EPS8L3: variants seen among roughly 807,000 people sequenced by gnomAD.
EPS8L3 encodes EPS8 signaling adaptor L3.
Under a neutral mutation model 88.5 loss-of-function variants are expected in EPS8L3, and 80 were observed. The observed-to-expected ratio is 0.90, with a 90% confidence interval of 0.75 to 1.09. The LOEUF is 1.09. Among genes scored for constraint, EPS8L3 ranks in the 50% least tolerant of loss-of-function variants. The pLI is 0.00. For synonymous variants in EPS8L3, 286 were observed against 291.0 expected, an observed-to-expected ratio of 0.98 and a Z score of 0.18; for missense variants, 721 against 735.2, an observed-to-expected ratio of 0.98 and a Z score of 0.22.
In EPS8L3 at chr1:109,758,337, G is replaced by T. The variant is rs775227313; in HGVS notation, c.696C>A (p.Pro232=). ...TTACCTCGTCCCTCTCTGGGTCCTC[G>T]GGGGAAGAGGACCGCCTTGGAGGAG... ...TLPPPRRSSS[P]EDPERDEEVL... The change falls in exon 8 of 19, where the codon CCC becomes CCA. Residue 232 remains proline, a synonymous_variant. Transcript: ENST00000361965. The T allele has an allele frequency of 6.2e-7, 1 of 1,613,334 alleles. No individual in the cohort carries two copies. The highest frequency in any genetic ancestry group is 1.3e-5 in the African/African-American group (1 of 74,874).
chr1:109,757,335 C>T, intron 11 of EPS8L3, 146 bp downstream of exon 11: 1 of 1,114,402 alleles, frequency 9.0e-7, no homozygotes. Context: ...CCCTTAGAGC[C>T]TTGGCGTCCT....
Position 109,751,662 on chromosome 1 carries a change from G to A in EPS8L3, c.1555C>T (p.Pro519Ser). 1 of 1,614,064 alleles carries A rather than the reference G, an allele frequency of 6.2e-7. No individual in the cohort carries two copies. The highest frequency in any genetic ancestry group is 1.1e-5 in the South Asian group (1 of 91,076). The change falls in exon 16 of 19, where the codon CCC (proline) becomes TCC (serine). Residue 519 changes from proline (P) to serine (S), a missense_variant. By Grantham distance (74) the Pro-to-Ser change is moderately conservative (BLOSUM62 -1). Coordinates refer to ENST00000361965, the MANE Select transcript of EPS8L3 (RefSeq NM_133181.4). Reference sequence around the variant, plus strand: ...TCCAGGCTGGGTAGTACCCGAGAGGGTGACTGGCCCTGGGTCCCAGGGGTC... The same window carrying A: ...TCCAGGCTGGGTAGTACCCGAGAGGATGACTGGCCCTGGGTCCCAGGGGTC... Reference protein sequence around the residue: ...PGTPGTQGQSPSRVPMLRLSS... With the variant: ...PGTPGTQGQSSSRVPMLRLSS...
At chr1:109,761,439 A>G in intron 3 of EPS8L3, 56 bp downstream of exon 3, 1 of 1,493,330 alleles carries the variant, frequency 6.7e-7, no homozygotes, top group Non-Finnish European at 9.2e-7. Flanking sequence ...GGCGGTGGGC[A>G]CATGGGAACA....
Position 109,757,977 on chromosome 1 carries a change from T to G in EPS8L3, c.799A>C (p.Lys267Gln). The change falls in exon 9 of 19, where the codon AAG becomes CAG. Residue 267 changes from lysine to glutamine, a missense_variant. Transcript: ENST00000361965. The part of the protein sequence containing the change: ...EKAQAKTSRK[K>Q]KFGKKNKDQG... Reference sequence around the variant, plus strand: ...TCCTTGTTTTTTTTCCCAAATTTCTTCTTCCTGCTGGTCTTTGCCTGGGCC... The same window carrying G: ...TCCTTGTTTTTTTTCCCAAATTTCTGCTTCCTGCTGGTCTTTGCCTGGGCC... 6.2e-7 allele frequency: 1 copy of G among 1,614,204 alleles called. No individual in the cohort carries two copies. The highest frequency in any genetic ancestry group is 1.3e-5 in the African/African-American group (1 of 75,054).
rs188417714 is a variant in EPS8L3, at chr1:109,761,470, G to T, written c.96+25C>A. 2.3e-4 allele frequency: 367 copies of T among 1,598,588 alleles called. 2 individuals carry two copies. In the East Asian group the frequency reaches 8.1e-3, roughly 35 times the overall value. The stretch of plus-strand genomic sequence containing the variant: ...GAACACTTGGGTTTAGTTGGACACT[G>T]CCCGGGGGCTGCAGAGGTACTCACC... On this transcript the variant is annotated intron_variant, in intron 3 of 18. Transcript: ENST00000361965.
At chr1:109,751,532 A>C in intron 16 of EPS8L3, 122 bp downstream of exon 16, 11 of 1,450,098 alleles carry the variant, frequency 7.6e-6, no homozygotes, top group South Asian at 1.2e-5. Flanking sequence ...TTGGCACACT[A>C]AGCATGCAAT....
chr1:109,759,355 G>A lies in EPS8L3; in HGVS notation c.288C>T (p.Ile96=). ...TGTTGAGCGCCACATTCATGGCCTG[G>A]ATGCTGTCTAGGCGGTAAGAGTCCA... ...EELDSYRLDS[I]QAMNVALNTC... The change falls in exon 5 of 19, where the codon ATC becomes ATT. Residue 96 remains isoleucine, a synonymous_variant. Coordinates refer to ENST00000361965, the MANE Select transcript of EPS8L3 (RefSeq NM_133181.4). The surrounding 1 kb of genome is among the most constrained non-coding windows in gnomAD (Gnocchi z 4.2). 1.2e-6 allele frequency: 2 copies of A among 1,614,162 alleles called. No individual in the cohort carries two copies. Among genetic ancestry groups the A allele is most frequent in the South Asian group, 2.2e-5 (2 of 91,074 alleles).
chr1:109,759,491 G>T lies in EPS8L3; in HGVS notation c.256-104C>A. ...AGCCCTTTGGTGGCCTAGGGCTGAG[G>T]TGTCATCTACCTGACTCTTGTGCCT... On this transcript the variant is annotated intron_variant, in intron 4 of 18. Transcript: ENST00000361965. This position sits in a 1 kb window ranked among gnomAD's most constrained non-coding sequence, Gnocchi z 4.2. The T allele has an allele frequency of 6.5e-7, 1 of 1,543,996 alleles. No homozygotes were observed. The highest frequency in any genetic ancestry group is 8.8e-7 in the Non-Finnish European group (1 of 1,142,004).
intron 11 of EPS8L3, 151 bp downstream of exon 11, chr1:109,757,330 A>T (rs556614954): frequency 2.7e-6 from 3 of 1,120,136 alleles, no homozygotes; most frequent in Non-Finnish European, 2.6e-6. Flanking sequence ...TGTCTCCCTT[A>T]GAGCCTTGGC....
rs753972633 is a variant in EPS8L3 at position 109,759,862 on chromosome 1, A to T, written c.97-26T>A. The T allele has an allele frequency of 6.2e-7, 1 of 1,610,642 alleles. No homozygotes were observed. Among genetic ancestry groups the T allele is most frequent in the Non-Finnish European group, 8.5e-7 (1 of 1,178,582 alleles). Reference sequence around the variant, plus strand: ...CTGCAGGGAGAGGGGGAGTCCTAGGACTGGGAGAAAGCTCAGAGAGGTGGA... The same window carrying T: ...CTGCAGGGAGAGGGGGAGTCCTAGGTCTGGGAGAAAGCTCAGAGAGGTGGA... On this transcript the variant is annotated intron_variant, in intron 3 of 18. Coordinates refer to ENST00000361965, the MANE Select transcript of EPS8L3 (RefSeq NM_133181.4). This position sits in a 1 kb window ranked among gnomAD's most constrained non-coding sequence, Gnocchi z 4.2.
chr1:109,758,304 A>G lies in EPS8L3; in HGVS notation c.717+12T>C. 1 of 1,608,746 alleles carries G rather than the reference A, an allele frequency of 6.2e-7. No individual in the cohort carries two copies. The highest frequency in any genetic ancestry group is 1.3e-5 in the African/African-American group (1 of 74,910). On this transcript the variant is annotated intron_variant, in intron 8 of 18. Transcript: ENST00000361965. ...AGAAAGCCTCAGCAAACTCAAGACC[A>G]TCCGCAGTTACCTCGTCCCTCTCTG... is the stretch of plus-strand genomic sequence containing the variant.
intron 17 of EPS8L3, 92 bp from the exon 18 acceptor site, chr1:109,750,884 G>C (rs751648008): frequency 5.7e-5 from 85 of 1,498,918 alleles, no homozygotes; most frequent in Non-Finnish European, 7.6e-5. Flanking sequence ...TGGGCTCGGA[G>C]GTTGGGGTTA....
At chr1:109,758,496 T>C (rs1644739727) in intron 7 of EPS8L3, 28 bp downstream of exon 7, 1 of 1,562,448 alleles carries the variant, frequency 6.4e-7, no homozygotes, top group Non-Finnish European at 8.7e-7. Flanking sequence ...AACCCTCTCC[T>C]TCACCTGCCC....
At chr1:109,751,849 C>T (rs892903760) in intron 15 of EPS8L3, 67 bp from the exon 16 acceptor site, 4 of 1,602,244 alleles carry the variant, frequency 2.5e-6, no homozygotes, top group African/African-American at 2.7e-5. Flanking sequence ...CCACACAAGG[C>T]TTTCTCCCTC....
Position 109,758,656 on chromosome 1 carries a change from G to T in EPS8L3, c.469C>A (p.Leu157Ile). ...TCCTGGCCTGGCTGAAGGCCTCCAA[G>T]TCGAGGTCTGCTGAGGACATGGTAG... is the stretch of plus-strand genomic sequence containing the variant. ...LEEELEQRPR[L>I]GGLQPGQDRW... Residue 157 changes from leucine (L) to isoleucine (I), a missense_variant, in exon 7 of 19, where the codon CTT becomes ATT. Physicochemically the swap from Leu to Ile is conservative, Grantham distance 5. Transcript: ENST00000361965. The T allele has an allele frequency of 6.3e-7, 1 of 1,583,982 alleles. No individual in the cohort carries two copies. The highest frequency in any genetic ancestry group is 8.6e-7 in the Non-Finnish European group (1 of 1,165,982).
chr1:109,751,965 T>G lies in EPS8L3; in HGVS notation c.1434+30A>C, dbSNP rs373977672. The G allele has an allele frequency of 6.3e-5, 99 of 1,573,310 alleles. No homozygotes were observed. The African/African-American group carries it at 1.0e-3, about 16-fold the overall frequency. On this transcript the variant is annotated intron_variant, in intron 15 of 18. Transcript: ENST00000361965. Reference sequence around the variant, plus strand: ...CCTGTAGCTCCCACCAACCACCACCTCCTTTTCTAGCCTATGGCCCAAGCC... The same window carrying G: ...CCTGTAGCTCCCACCAACCACCACCGCCTTTTCTAGCCTATGGCCCAAGCC...
In EPS8L3 at chr1:109,761,489, A is replaced by T. The variant is rs574844747; in HGVS notation, c.96+6T>A. 1.2e-6 allele frequency: 2 copies of T among 1,608,432 alleles called. No homozygotes were observed. The highest frequency in any genetic ancestry group is 2.2e-5 in the South Asian group (2 of 90,748). ...GACACTGCCCGGGGGCTGCAGAGGT[A>T]CTCACCTCCACCCTGTGCTGCAGGA... On this transcript the variant is annotated splice_donor_region_variant and intron_variant, in intron 3 of 18. Coordinates refer to ENST00000361965, the MANE Select transcript of EPS8L3 (RefSeq NM_133181.4).
intron 3 of EPS8L3, among the ~76,000 whole-genome samples, chr1:109,760,333 G>A (rs111746824): frequency 2.6e-5 from 4 of 152,172 alleles, no homozygotes; most frequent in African/African-American, 9.6e-5. Context: ...CTCAGTCTCC[G>A]CTCAAGTCCT....
intron 3 of EPS8L3, among the ~76,000 whole-genome samples, chr1:109,760,538 G>A (rs868302363): frequency 2.0e-5 from 3 of 151,360 alleles, no homozygotes; most frequent in Middle Eastern, 3.2e-3. Context: ...TTCTCCCTGT[G>A]TTCGCACTGC....
Sources: allele counts gnomAD v4.1 joint callset (sites outside exome capture counted in the v4.1 genomes callset), GRCh38; gene constraint gnomAD v4.1.1; non-coding constraint Gnocchi (gnomAD v3.1); transcripts MANE v1.5; gene names NCBI Gene and HGNC (gene_info 2026-07-23, HGNC 2026-07-21).